The following ELMO1 variants were observed in gnomAD, a reference collection of about 807,000 sequenced individuals.
ELMO1 encodes the protein engulfment and cell motility protein 1.
ELMO1 carries 26 observed loss-of-function variants against 98.9 expected under a neutral mutation model. The observed-to-expected ratio is 0.26, with a 90% confidence interval of 0.19 to 0.36. The LOEUF (loss-of-function observed/expected upper bound fraction) is 0.36, where lower values mean the gene tolerates loss of function less well. ELMO1 is among the 10% of genes least tolerant of loss of function. The pLI is 1.00. For missense variants in ELMO1, 627 were observed against 935.2 expected (o/e 0.67, Z 4.30); for synonymous variants, 346 against 346.0 (o/e 1.00, Z 0.00).
intron 16 of ELMO1, chr7:36,986,409 A>C: frequency 8.4e-6 from 2 of 238,192 alleles, no homozygotes; most frequent in Non-Finnish European, 1.4e-5. Flanking sequence ...GGTACTTCTC[A>C]ATATATCCCC....
intron 16 of ELMO1, 57 bp downstream of exon 16, chr7:37,013,242 C>A: frequency 1.3e-6 from 2 of 1,598,180 alleles, no homozygotes; most frequent in Non-Finnish European, 1.7e-6. Flanking sequence ...AGGGACCATG[C>A]AGCAGGCCCC....
intron 21 of ELMO1, among the ~76,000 whole-genome samples, chr7:36,860,211 G>A: frequency 6.6e-6 from 1 of 152,136 alleles, no homozygotes; most frequent in East Asian, 1.9e-4. Context: ...TTAAGTTTTT[G>A]GGGAGTCAAA....
intron 16 of ELMO1, among the ~76,000 whole-genome samples, chr7:36,927,142 A>G (rs1257609696): frequency 6.6e-6 from 1 of 152,188 alleles, no homozygotes; most frequent in Non-Finnish European, 1.5e-5. Context: ...CTAGGAGTAG[A>G]TAACTATTAT....
chr7:37,304,487 A>G (rs1373150473), intron 4 of ELMO1, among the ~76,000 whole-genome samples: 1 of 152,170 alleles, frequency 6.6e-6, no homozygotes, highest in Non-Finnish European at 1.5e-5. Context: ...AGGCTGAGGC[A>G]GGTGGATAAC....
chr7:37,413,633 T>C (rs1052681800), intron 1 of ELMO1, among the ~76,000 whole-genome samples: 1 of 152,126 alleles, frequency 6.6e-6, no homozygotes, highest in Non-Finnish European at 1.5e-5. Context: ...CCATCTAAAG[T>C]TCCAGCATGT....
chr7:37,293,990 A>C (rs914727881), intron 4 of ELMO1, among the ~76,000 whole-genome samples: 1 of 152,072 alleles, frequency 6.6e-6, no homozygotes, highest in Admixed American at 6.5e-5. Context: ...ATCAGTTGTT[A>C]CTGCCCTTTT....
intron 2 of ELMO1, among the ~76,000 whole-genome samples, chr7:37,326,892 TA>T (rs1467643848): frequency 6.6e-6 from 1 of 152,226 alleles, no homozygotes; most frequent in Non-Finnish European, 1.5e-5. Context: ...CAACTTTAGA[TA>T]ATGACAGAAC....
chr7:37,407,189 A>G (rs1803806555), intron 1 of ELMO1, among the ~76,000 whole-genome samples: 1 of 152,200 alleles, frequency 6.6e-6, no homozygotes, highest in Non-Finnish European at 1.5e-5. Flanking sequence ...GGGAGATAAA[A>G]AGAAATGAAC....
At chr7:37,387,618 A>C (rs1236876088) in intron 1 of ELMO1, among the ~76,000 whole-genome samples, 1 of 151,800 alleles carries the variant, frequency 6.6e-6, no homozygotes, top group Non-Finnish European at 1.5e-5. Context: ...GACACAATTC[A>C]CTCCAGACAG....
chr7:37,156,815 T>C (rs1315284020), intron 13 of ELMO1, among the ~76,000 whole-genome samples: 2 of 152,216 alleles, frequency 1.3e-5, no homozygotes, highest in African/African-American at 2.4e-5. Flanking sequence ...TAACTCATTT[T>C]ATGAGGCCAG....
At chr7:37,175,707 C>A (rs1790462197) in intron 13 of ELMO1, among the ~76,000 whole-genome samples, 2 of 152,080 alleles carry the variant, frequency 1.3e-5, no homozygotes, top group Admixed American at 6.5e-5. Context: ...ATTAGCTGGG[C>A]GTGGTGGTGC....
At chr7:37,369,896 C>G (rs370524347) in intron 1 of ELMO1, among the ~76,000 whole-genome samples, 1 of 152,190 alleles carries the variant, frequency 6.6e-6, no homozygotes, top group African/African-American at 2.4e-5. Flanking sequence ...CTCCCTCTGA[C>G]GTCTCCCTAC....
chr7:36,929,605 G>T (rs1785864359), intron 16 of ELMO1, among the ~76,000 whole-genome samples: 1 of 152,122 alleles, frequency 6.6e-6, no homozygotes, highest in Non-Finnish European at 1.5e-5. Context: ...GCCCAGAATG[G>T]TCAGCACTCA....
chr7:36,968,323 T>C (rs749211656), intron 16 of ELMO1, among the ~76,000 whole-genome samples: 2 of 152,218 alleles, frequency 1.3e-5, no homozygotes, highest in Admixed American at 6.5e-5. Context: ...AATAGAAGGA[T>C]AAATATCACA....
At chr7:37,064,824 G>T (rs1366605323) in intron 15 of ELMO1, among the ~76,000 whole-genome samples, 1 of 152,112 alleles carries the variant, frequency 6.6e-6, no homozygotes, top group East Asian at 1.9e-4. Flanking sequence ...AGTGGATCCT[G>T]TCTATCTGTA....
At chr7:37,108,442 T>C (rs1325435464) in intron 14 of ELMO1, among the ~76,000 whole-genome samples, 1 of 152,248 alleles carries the variant, frequency 6.6e-6, no homozygotes, top group East Asian at 1.9e-4. Context: ...ATGGTTTTCC[T>C]AAACAAGCCT....
At chr7:37,141,301 C>T (rs1391813765) in intron 13 of ELMO1, among the ~76,000 whole-genome samples, 1 of 152,120 alleles carries the variant, frequency 6.6e-6, no homozygotes, top group Non-Finnish European at 1.5e-5. Flanking sequence ...AACCAAACAT[C>T]GTATGTTCTC....
chr7:37,257,220 T>A (rs2130783977), intron 6 of ELMO1, among the ~76,000 whole-genome samples: 1 of 152,292 alleles, frequency 6.6e-6, no homozygotes, highest in East Asian at 1.9e-4. Flanking sequence ...GGAAGGGACA[T>A]TCCTTCCTCC....
At chr7:37,050,647 CACACACACACACAA>C (rs1213262571) in intron 15 of ELMO1, among the ~76,000 whole-genome samples, 1 of 150,316 alleles carries the variant, frequency 6.7e-6, no homozygotes, top group African/African-American at 2.4e-5. Flanking sequence ...CACACACACA[CACACACACACACAA>C]AAGGTAACTA....
Sources: gnomAD v4.1 joint callset for allele counts (sites outside exome capture counted in the v4.1 genomes callset) on GRCh38, gnomAD v4.1.1 for gene constraint, MANE v1.5 for transcripts, NCBI Gene and HGNC (gene_info 2026-07-23, HGNC 2026-07-21) for gene names.